GRM7: variants seen among roughly 807,000 people sequenced by gnomAD.
The protein encoded by GRM7 is glutamate metabotropic receptor 7.
Under a neutral mutation model 84.5 loss-of-function variants are expected in GRM7, and 35 were observed. That is an observed-to-expected ratio of 0.41 (90% CI 0.32 to 0.55). The LOEUF (loss-of-function observed/expected upper bound fraction) is 0.55, where lower values mean the gene tolerates loss of function less well. Ranked by LOEUF, GRM7 falls within the 20% of genes least tolerant of loss-of-function variation. The pLI is 0.19. For synonymous variants in GRM7, 487 were observed against 455.1 expected, an observed-to-expected ratio of 1.07 and a Z score of -0.89; for missense variants, 1,003 against 1,194.6, an observed-to-expected ratio of 0.84 and a Z score of 2.36.
At chr3:6,901,741 A>G (rs1696395747) in intron 1 of GRM7, among the ~76,000 whole-genome samples, 1 of 151,460 alleles carries the variant, frequency 6.6e-6, no homozygotes, top group Admixed American at 6.6e-5. Flanking sequence ...TAATACACCA[A>G]GATTAATGAG....
intron 2 of GRM7, among the ~76,000 whole-genome samples, chr3:7,198,606 T>C (rs1464689036): frequency 6.6e-6 from 1 of 152,192 alleles, no homozygotes; most frequent in Non-Finnish European, 1.5e-5. Flanking sequence ...ATCTTAAACA[T>C]GCTCAGAACA....
Position 7,146,396 on chromosome 3 carries a change from T to C in GRM7, c.520-56T>C, listed in dbSNP as rs1333417726. ...TTAAGTAAACTGTCATAAGTATAAATGAGTCTCTTACATCCTGACGGTGCA... is the reference window on the plus strand; with the variant it reads ...TTAAGTAAACTGTCATAAGTATAAACGAGTCTCTTACATCCTGACGGTGCA... On this transcript the variant is annotated intron_variant, in intron 1 of 9. Transcript: ENST00000357716. The C allele has an allele frequency of 4.7e-6, 6 of 1,272,726 alleles. No individual in the cohort carries two copies. In the African/African-American group the frequency reaches 7.3e-5, roughly 16 times the overall value. The allele number at this position is 1,272,726 out of a possible 1,614,324, so 78.8% of individuals were successfully genotyped here. A position where few individuals can be genotyped will look rare whatever the true frequency, so the allele number is the denominator to read the frequency against.
chr3:7,506,879 A>G (rs1700055482), intron 7 of GRM7, among the ~76,000 whole-genome samples: 1 of 152,202 alleles, frequency 6.6e-6, no homozygotes, highest in East Asian at 1.9e-4. Context: ...TGAGGGATTA[A>G]GTTTCCAGTA....
intron 1 of GRM7, among the ~76,000 whole-genome samples, chr3:6,952,051 T>A (rs1216089209): frequency 6.6e-6 from 1 of 152,232 alleles, no homozygotes; most frequent in Non-Finnish European, 1.5e-5. Context: ...TTGTAAGGTT[T>A]ACATCTATCA....
At chr3:7,138,248 C>T (rs1315101961) in intron 1 of GRM7, among the ~76,000 whole-genome samples, 1 of 151,824 alleles carries the variant, frequency 6.6e-6, no homozygotes, top group Non-Finnish European at 1.5e-5. Flanking sequence ...GTTTAAAGAT[C>T]AGTTATGCAA....
intron 2 of GRM7, among the ~76,000 whole-genome samples, chr3:7,228,159 T>C (rs1471642376): frequency 6.6e-6 from 1 of 152,130 alleles, no homozygotes; most frequent in Non-Finnish European, 1.5e-5. Context: ...GTGGGTAAGG[T>C]GACCCCAAAT....
chr3:7,678,891 G>A (rs1419464161), intron 8 of GRM7, among the ~76,000 whole-genome samples: 1 of 152,184 alleles, frequency 6.6e-6, no homozygotes, highest in African/African-American at 2.4e-5. Flanking sequence ...TAGGAAAAAG[G>A]TGTCCATTAG....
chr3:6,933,088 G>A (rs1168328888), intron 1 of GRM7, among the ~76,000 whole-genome samples: 1 of 152,012 alleles, frequency 6.6e-6, no homozygotes, highest in African/African-American at 2.4e-5. Context: ...AGGAAGAGAG[G>A]GAGGGATGAA....
At chr3:7,699,588 AT>A (rs1701150520) in intron 9 of GRM7, among the ~76,000 whole-genome samples, 1 of 152,166 alleles carries the variant, frequency 6.6e-6, no homozygotes, top group African/African-American at 2.4e-5. Context: ...TAATCATAAA[AT>A]TCATCCATTT....
intron 1 of GRM7, among the ~76,000 whole-genome samples, chr3:7,129,907 C>T (rs1250030546): frequency 6.6e-6 from 1 of 152,130 alleles, no homozygotes; most frequent in African/African-American, 2.4e-5. Context: ...CAAAATGAGT[C>T]TTTAAAATTT....
At chr3:7,323,565 A>G (rs549073342) in intron 4 of GRM7, among the ~76,000 whole-genome samples, 28 of 152,302 alleles carry the variant, frequency 1.8e-4, no homozygotes, top group Middle Eastern at 3.4e-3. Context: ...AATGGCCACA[A>G]TGTTAAAATA....
At chr3:7,369,598 C>A (rs1354121820) in intron 4 of GRM7, among the ~76,000 whole-genome samples, 1 of 152,064 alleles carries the variant, frequency 6.6e-6, no homozygotes, top group African/African-American at 2.4e-5. Context: ...TGGTAGAGAG[C>A]AATAAGCAAT....
chr3:7,190,894 T>C (rs1695689570), intron 2 of GRM7, among the ~76,000 whole-genome samples: 1 of 152,044 alleles, frequency 6.6e-6, no homozygotes, highest in Non-Finnish European at 1.5e-5. Context: ...AAATCCATTT[T>C]CCAGCATCTA....
chr3:6,963,909 C>G (rs1037622796), intron 1 of GRM7, among the ~76,000 whole-genome samples: 2 of 152,088 alleles, frequency 1.3e-5, no homozygotes, highest in Non-Finnish European at 2.9e-5. Flanking sequence ...TTGGAGTTTT[C>G]TCTACTTGAT....
At chr3:7,584,002 A>G (rs1575523531) in intron 8 of GRM7, among the ~76,000 whole-genome samples, 1 of 152,176 alleles carries the variant, frequency 6.6e-6, no homozygotes, top group Non-Finnish European at 1.5e-5. Flanking sequence ...ACAAAGAATG[A>G]AGGACAGGAA....
chr3:7,301,061 T>A (rs1403574589), intron 3 of GRM7, among the ~76,000 whole-genome samples: 1 of 152,190 alleles, frequency 6.6e-6, no homozygotes, highest in Admixed American at 6.5e-5. Context: ...ATTTTTACGG[T>A]TTAGGCCTCA....
At chr3:6,902,352 G>T (rs1037558504) in intron 1 of GRM7, among the ~76,000 whole-genome samples, 2 of 152,090 alleles carry the variant, frequency 1.3e-5, no homozygotes, top group African/African-American at 4.8e-5. Context: ...AAAATTTTAG[G>T]CAACCACAAT....
chr3:7,536,513 G>A (rs1303242636), intron 7 of GRM7, among the ~76,000 whole-genome samples: 1 of 152,226 alleles, frequency 6.6e-6, no homozygotes, highest in Non-Finnish European at 1.5e-5. Flanking sequence ...ATGCCCTTGT[G>A]TAATCTGTTC....
chr3:7,032,170 A>T (rs1228356624), intron 1 of GRM7, among the ~76,000 whole-genome samples: 1 of 152,206 alleles, frequency 6.6e-6, no homozygotes, highest in Non-Finnish European at 1.5e-5. Context: ...ACTTTAAGTG[A>T]TGATTTTGCT....
Sources: allele counts gnomAD v4.1 joint callset (sites outside exome capture counted in the v4.1 genomes callset), GRCh38; gene constraint gnomAD v4.1.1; transcripts MANE v1.5; gene names NCBI Gene and HGNC (gene_info 2026-07-23, HGNC 2026-07-21).